SOBP: variants seen among roughly 807,000 people sequenced by gnomAD.
SOBP encodes the protein sine oculis binding protein homolog, also known as sine oculis-binding protein homolog.
A neutral mutation model predicts 53.6 loss-of-function variants in SOBP; 4 were observed. That is an observed-to-expected ratio of 0.07 (90% confidence interval 0.04 to 0.17). The LOEUF is 0.17. Ranked by LOEUF, SOBP falls within the 10% of genes least tolerant of loss-of-function variation. The probability of loss-of-function intolerance (pLI) is 1.00; values close to 1 mark genes in which losing one functional copy is unlikely to be tolerated. For synonymous variants in SOBP, 584 were observed against 522.6 expected (o/e 1.12, Z -1.60); for missense variants, 1,088 against 1,204.7 (o/e 0.90, Z 1.43).
chr6:107,612,933 A>G lies in SOBP; in HGVS notation c.670-20581A>G, dbSNP rs185527883. Among the ~76,000 whole-genome samples, 23 of 152,308 alleles carry G rather than the reference A, an allele frequency of 1.5e-4. No homozygotes were observed. In the East Asian group the frequency reaches 4.2e-3, roughly 28 times the overall value. On this transcript the variant is annotated intron_variant, in intron 5 of 6. Transcript: ENST00000317357. ...ATATAGCAATACTTCGATACTTTTT[A>G]TGGCTGAATAATATTCCATTGTATG...
intron 5 of SOBP, among the ~76,000 whole-genome samples, chr6:107,588,148 C>G (rs1468355713): frequency 6.6e-6 from 1 of 152,216 alleles, no homozygotes; most frequent in African/African-American, 2.4e-5. Context: ...GGCCGACCAG[C>G]TCTGCCAGGT....
intron 6 of SOBP, among the ~76,000 whole-genome samples, chr6:107,651,526 C>T (rs1017305746): frequency 6.6e-6 from 1 of 152,230 alleles, no homozygotes; most frequent in African/African-American, 2.4e-5. Flanking sequence ...AAGAAGCTGT[C>T]TCCATAACAT....
At chr6:107,652,758 A>G (rs1177166035) in intron 6 of SOBP, among the ~76,000 whole-genome samples, 2 of 152,204 alleles carry the variant, frequency 1.3e-5, no homozygotes, top group Non-Finnish European at 2.9e-5. Flanking sequence ...GCCTTTGGCA[A>G]CCACCACCCT....
intron 6 of SOBP, among the ~76,000 whole-genome samples, chr6:107,638,466 C>A (rs1181030968): frequency 1.3e-5 from 2 of 152,188 alleles, no homozygotes; most frequent in African/African-American, 4.8e-5. Flanking sequence ...CCACCTCGGC[C>A]TCCCAAAGTG....
intron 3 of SOBP, among the ~76,000 whole-genome samples, chr6:107,512,213 T>C (rs1382114886): frequency 6.6e-6 from 1 of 152,236 alleles, no homozygotes; most frequent in Non-Finnish European, 1.5e-5. Context: ...GAACATAATC[T>C]GAAGTGGCAA....
intron 4 of SOBP, among the ~76,000 whole-genome samples, chr6:107,534,984 T>C (rs1160130911): frequency 6.6e-6 from 1 of 152,166 alleles, no homozygotes; most frequent in East Asian, 1.9e-4. Flanking sequence ...GTGGGCCCAG[T>C]GCTTTCTTCT....
Position 107,629,216 on chromosome 6 carries a change from C to T in SOBP, c.670-4298C>T, listed in dbSNP as rs183042927. On this transcript the variant is annotated intron_variant, in intron 5 of 6. Transcript: ENST00000317357. ...TTTTTCAAATTGTTGATGGCATTCA[C>T]GGAGGTGCTAATATCTTTTTTTTTT... 3.1e-3 allele frequency among the ~76,000 whole-genome samples: 462 copies of T among 149,130 alleles called. 2 individuals are homozygous for T. Among genetic ancestry groups the T allele is most frequent in the African/African-American group, 0.011 (440 of 40,516 alleles).
At chr6:107,549,401 G>A (rs1282180410) in intron 4 of SOBP, among the ~76,000 whole-genome samples, 2 of 151,382 alleles carry the variant, frequency 1.3e-5, no homozygotes, top group Non-Finnish European at 2.9e-5. Flanking sequence ...AGCACAAATT[G>A]ATTATAGAAG....
chr6:107,573,016 G>C (rs1397893050), intron 4 of SOBP, among the ~76,000 whole-genome samples: 3 of 152,196 alleles, frequency 2.0e-5, no homozygotes, highest in Non-Finnish European at 4.4e-5. Flanking sequence ...AAAGTTTGTT[G>C]ACCGAGATGC....
intron 4 of SOBP, among the ~76,000 whole-genome samples, chr6:107,551,207 C>G (rs533762225): frequency 1.4e-4 from 22 of 152,208 alleles, no homozygotes; most frequent in Non-Finnish European, 2.5e-4. Flanking sequence ...ACAGATATAT[C>G]AGCTCTGATG....
chr6:107,624,140 C>G (rs1266403478), intron 5 of SOBP, among the ~76,000 whole-genome samples: 1 of 152,186 alleles, frequency 6.6e-6, no homozygotes, highest in Non-Finnish European at 1.5e-5. Context: ...AAGCGAAGGC[C>G]TAACAGTGGG....
chr6:107,513,696 T>G (rs1049177905), intron 3 of SOBP, among the ~76,000 whole-genome samples: 2 of 150,658 alleles, frequency 1.3e-5, no homozygotes, highest in African/African-American at 4.9e-5. Context: ...TTTGGATGAC[T>G]TACTATTTAT....
intron 4 of SOBP, among the ~76,000 whole-genome samples, chr6:107,549,474 TG>T (rs1204877989): frequency 6.6e-6 from 1 of 151,232 alleles, no homozygotes; most frequent in Non-Finnish European, 1.5e-5. Flanking sequence ...AGATGCCTTA[TG>T]GGGTTTCATT....
At position 107,634,119 on chromosome 6, in the gene SOBP, C is replaced by T. The variant is rs751850571; in HGVS notation, c.1275C>T (p.Pro425=). 1 of 1,607,320 alleles carries T rather than the reference C, an allele frequency of 6.2e-7. No individual in the cohort carries two copies. Among genetic ancestry groups the T allele is most frequent in the East Asian group, 2.2e-5 (1 of 44,790 alleles). The part of the protein sequence containing the change: ...PPHHASNPNS[P]LSNPMLPGIG... Reference sequence around the variant, plus strand: ...ACCATGCCTCCAACCCCAACAGCCCCCTGTCCAACCCCATGCTTCCCGGCA... The same window carrying T: ...ACCATGCCTCCAACCCCAACAGCCCTCTGTCCAACCCCATGCTTCCCGGCA... The change falls in exon 6 of 7, where the codon CCC becomes CCT. Residue 425 remains proline, a synonymous_variant. Transcript: ENST00000317357. The surrounding 1 kb of genome is among the most constrained non-coding windows in gnomAD (Gnocchi z 4.5).
intron 4 of SOBP, among the ~76,000 whole-genome samples, chr6:107,541,057 A>G (rs1784134247): frequency 6.6e-6 from 1 of 152,238 alleles, no homozygotes; most frequent in South Asian, 2.1e-4. Context: ...AATAAAATCC[A>G]TTCCTGATTA....
At chr6:107,565,809 G>T (rs1459065991) in intron 4 of SOBP, among the ~76,000 whole-genome samples, 1 of 152,138 alleles carries the variant, frequency 6.6e-6, no homozygotes, top group African/African-American at 2.4e-5. Flanking sequence ...ATCTAACCAG[G>T]AACACTATGG....
intron 2 of SOBP, among the ~76,000 whole-genome samples, chr6:107,505,559 G>A (rs1351211564): frequency 1.3e-5 from 2 of 152,084 alleles, no homozygotes; most frequent in Non-Finnish European, 1.5e-5. Flanking sequence ...CTGGCCTCAA[G>A]TGATTTGCCC....
chr6:107,530,746 G>A (rs1783798893), intron 3 of SOBP, among the ~76,000 whole-genome samples: 1 of 152,064 alleles, frequency 6.6e-6, no homozygotes. Flanking sequence ...GGGGAGCGTT[G>A]ACTTATTTAA....
chr6:107,625,995 T>C (rs1770443792), intron 5 of SOBP, among the ~76,000 whole-genome samples: 1 of 152,096 alleles, frequency 6.6e-6, no homozygotes, highest in African/African-American at 2.4e-5. Context: ...TAAACTCTTA[T>C]AGTCACAAAT....
Sources: allele counts gnomAD v4.1 joint callset (sites outside exome capture counted in the v4.1 genomes callset), GRCh38; gene constraint gnomAD v4.1.1; non-coding constraint Gnocchi (gnomAD v3.1); transcripts MANE v1.5; gene names NCBI Gene and HGNC (gene_info 2026-07-23, HGNC 2026-07-21).